Variants in CAMTA1 observed in about 807,000 individuals in gnomAD.
CAMTA1 encodes the protein calmodulin-binding transcription activator 1.
A neutral mutation model predicts 170.9 loss-of-function variants in CAMTA1; 27 were observed. The observed-to-expected ratio is 0.16, with a 90% CI of 0.12 to 0.22. CAMTA1 has a LOEUF of 0.22. CAMTA1 is among the 10% of genes least tolerant of loss of function. The pLI is 1.00. For missense variants in CAMTA1, 1,619 were observed against 2,217.2 expected (o/e 0.73, Z 5.42); for synonymous variants, 833 against 891.5 (o/e 0.93, Z 1.17).
At chr1:7,726,125 T>C (rs1383023054) in intron 11 of CAMTA1, among the ~76,000 whole-genome samples, 1 of 152,248 alleles carries the variant, frequency 6.6e-6, no homozygotes, top group Non-Finnish European at 1.5e-5. Flanking sequence ...CCAGGAGTTA[T>C]GGGACTTACC....
chr1:7,058,678 C>G (rs988116745), intron 3 of CAMTA1, among the ~76,000 whole-genome samples: 1 of 152,156 alleles, frequency 6.6e-6, no homozygotes. Context: ...GAGGTGACGT[C>G]TGGATGGGCA....
Position 7,634,237 on chromosome 1 carries a change from G to T in CAMTA1, c.511-6163G>T, listed in dbSNP as rs1011369888. Among the ~76,000 whole-genome samples, 1 of 152,154 alleles carries T rather than the reference G, an allele frequency of 6.6e-6. No homozygotes were observed. Among genetic ancestry groups the T allele is most frequent in the African/African-American group, 2.4e-5 (1 of 41,440 alleles). On this transcript the variant is annotated intron_variant, in intron 6 of 22. Transcript: ENST00000303635. The surrounding 1 kb of genome is among the most constrained non-coding windows in gnomAD (Gnocchi z 6.2). The stretch of plus-strand genomic sequence containing the variant: ...GGATCAGACTTGGTCATTGCAGGCA[G>T]GGGGTATATGGGAGGATTAGGCTTC...
chr1:7,125,422 T>C (rs532758197), intron 4 of CAMTA1, among the ~76,000 whole-genome samples: 2 of 152,216 alleles, frequency 1.3e-5, no homozygotes, highest in South Asian at 2.1e-4. Flanking sequence ...AATGTGAAAG[T>C]TCGGAGTGAT....
At chr1:6,924,968 T>C (rs904208034) in intron 3 of CAMTA1, among the ~76,000 whole-genome samples, 1 of 152,244 alleles carries the variant, frequency 6.6e-6, no homozygotes, top group African/African-American at 2.4e-5. Flanking sequence ...GGGGGGACTG[T>C]GCTGTGGCTA....
At chr1:7,289,940 C>T (rs1196594027) in intron 5 of CAMTA1, among the ~76,000 whole-genome samples, 2 of 152,184 alleles carry the variant, frequency 1.3e-5, no homozygotes, top group African/African-American at 4.8e-5. Flanking sequence ...TTTACCAACA[C>T]CTTAATCTCT....
intron 3 of CAMTA1, among the ~76,000 whole-genome samples, chr1:6,944,959 G>C (rs996930576): frequency 1.3e-5 from 2 of 152,212 alleles, no homozygotes; most frequent in Non-Finnish European, 2.9e-5. Flanking sequence ...GACATTTTCA[G>C]CTTACAGTGG....
rs935710304 is a variant in CAMTA1, at chr1:7,580,670, C to T, written c.511-59730C>T. ...CCAAAGGTCCCTGGGCACCTGGCCC[C>T]GAGGCTGGCTGTGCCCAGCACTGTG... On this transcript the variant is annotated intron_variant, in intron 6 of 22. Transcript: ENST00000303635. This position sits in a 1 kb window ranked among gnomAD's most constrained non-coding sequence, Gnocchi z 4.3. Among the ~76,000 whole-genome samples the T allele has an allele frequency of 2.0e-5, 3 of 152,092 alleles. No individual in the cohort carries two copies. The highest frequency in any genetic ancestry group is 6.5e-5 in the Admixed American group (1 of 15,276).
At chr1:7,039,295 C>T (rs1451070087) in intron 3 of CAMTA1, among the ~76,000 whole-genome samples, 1 of 152,130 alleles carries the variant, frequency 6.6e-6, no homozygotes, top group Non-Finnish European at 1.5e-5. Flanking sequence ...CATCATCAAA[C>T]CTAGTTATAC....
At chr1:6,844,796 A>G (rs1021793353) in intron 3 of CAMTA1, among the ~76,000 whole-genome samples, 6 of 152,090 alleles carry the variant, frequency 3.9e-5, no homozygotes, top group African/African-American at 7.2e-5. Context: ...ATGCAGCACC[A>G]TAGAAGAAGA....
At chr1:7,337,190 T>G (rs1210767741) in intron 5 of CAMTA1, among the ~76,000 whole-genome samples, 1 of 152,154 alleles carries the variant, frequency 6.6e-6, no homozygotes, top group Admixed American at 6.5e-5. Flanking sequence ...AGCCAGTCCA[T>G]CAATACCTAT....
intron 5 of CAMTA1, among the ~76,000 whole-genome samples, chr1:7,414,660 T>A (rs1051504068): frequency 4.6e-5 from 7 of 152,230 alleles, no homozygotes; most frequent in African/African-American, 1.7e-4. Context: ...TTCTTCTTTA[T>A]TATTCTTGCT....
At chr1:6,825,650 C>A (rs72854261) in intron 3 of CAMTA1, among the ~76,000 whole-genome samples, 1,876 of 152,192 alleles carry the variant, frequency 0.012, 31 homozygotes, top group African/African-American at 0.043. Flanking sequence ...AGTGAAACAG[C>A]TTTTCGTCCT....
chr1:7,246,677 T>C (rs1262632515), intron 4 of CAMTA1, among the ~76,000 whole-genome samples: 1 of 141,168 alleles, frequency 7.1e-6, no homozygotes, highest in Non-Finnish European at 1.5e-5. Context: ...CTGCTTTTTT[T>C]TTTTTTTTTT....
chr1:7,158,387 A>G (rs1050052019), intron 4 of CAMTA1, among the ~76,000 whole-genome samples: 4 of 152,226 alleles, frequency 2.6e-5, no homozygotes, highest in Non-Finnish European at 4.4e-5. Context: ...GACATAAAGT[A>G]ACTTTCTTGA....
intron 11 of CAMTA1, among the ~76,000 whole-genome samples, chr1:7,717,523 A>C (rs1269586391): frequency 6.6e-6 from 1 of 152,110 alleles, no homozygotes; most frequent in Non-Finnish European, 1.5e-5. Flanking sequence ...AGGCAAGAGG[A>C]TCACTTGAGC....
intron 4 of CAMTA1, among the ~76,000 whole-genome samples, chr1:7,131,227 C>T (rs1044884553): frequency 3.3e-5 from 5 of 152,200 alleles, no homozygotes; most frequent in African/African-American, 1.2e-4. Flanking sequence ...GCCAGGATTA[C>T]AGGTGCGAGC....
intron 6 of CAMTA1, among the ~76,000 whole-genome samples, chr1:7,623,145 A>G (rs749178410): frequency 3.3e-5 from 5 of 152,152 alleles, no homozygotes; most frequent in Non-Finnish European, 7.4e-5. Flanking sequence ...CTTATTCTTT[A>G]TTCCAATGTT....
At chr1:7,386,075 G>T (rs72853142) in intron 5 of CAMTA1, among the ~76,000 whole-genome samples, 1 of 152,190 alleles carries the variant, frequency 6.6e-6, no homozygotes, top group Admixed American at 6.5e-5. Flanking sequence ...CCCAAAGGAA[G>T]TCTGGCTTCA....
chr1:6,900,163 A>G (rs781476741), intron 3 of CAMTA1, among the ~76,000 whole-genome samples: 1 of 152,240 alleles, frequency 6.6e-6, no homozygotes, highest in African/African-American at 2.4e-5. Context: ...TACTAAACAT[A>G]TGCTGCTTCA....
Sources: gnomAD v4.1 joint callset for allele counts (sites outside exome capture counted in the v4.1 genomes callset) on GRCh38, gnomAD v4.1.1 for gene constraint, Gnocchi (gnomAD v3.1) non-coding constraint, MANE v1.5 for transcripts, NCBI Gene and HGNC (gene_info 2026-07-23, HGNC 2026-07-21) for gene names.